The following CTNND2 variants were observed in gnomAD, a reference collection of about 807,000 sequenced individuals.
CTNND2 encodes catenin delta 2.
In CTNND2, 22 loss-of-function variants were observed where a neutral mutation model predicts 144.4. The ratio of observed to expected loss-of-function variants is 0.15; its 90% CI spans 0.11 to 0.22. The LOEUF (loss-of-function observed/expected upper bound fraction) is 0.22. Ranked by LOEUF, CTNND2 falls within the 10% of genes least tolerant of loss-of-function variation. CTNND2 has a pLI of 1.00. For missense variants in CTNND2, 1,353 were observed against 1,618.8 expected (o/e 0.84, Z 2.82); for synonymous variants, 751 against 695.6 (o/e 1.08, Z -1.25).
chr5:10,979,067 A>G (rs564211553), intron 21 of CTNND2, among the ~76,000 whole-genome samples: 75 of 152,278 alleles, frequency 4.9e-4, no homozygotes, highest in African/African-American at 1.6e-3. Context: ...GCTGGTTCCA[A>G]TGAGGAGCTT....
In CTNND2 at chr5:11,103,002, G is replaced by A. The variant is rs1416116160; in HGVS notation, c.2464-4254C>T. Among the ~76,000 whole-genome samples the A allele has an allele frequency of 1.9e-4, 13 of 67,606 alleles. No individual in the cohort carries two copies. The East Asian group carries it at 5.4e-3, about 28-fold the overall frequency. 44.4% of individuals were successfully genotyped at this position (67,606 alleles called of 152,430 possible). A position where few individuals can be genotyped will look rare whatever the true frequency, so the allele number is the denominator to read the frequency against. On this transcript the variant is annotated intron_variant, in intron 14 of 21. Transcript: ENST00000304623. ...TTTTTTTTTTTTTTTTTTTTTTTGA[G>A]ACAGAGTCTCACTCTGTCACCCAGG...
intron 20 of CTNND2, chr5:10,986,500 T>C: frequency 2.6e-6 from 1 of 387,702 alleles, no homozygotes; most frequent in Non-Finnish European, 5.1e-6. Flanking sequence ...CATGACTAGC[T>C]CAGCATAATC....
chr5:11,166,539 G>A (rs1266839094), intron 11 of CTNND2, among the ~76,000 whole-genome samples: 1 of 151,586 alleles, frequency 6.6e-6, no homozygotes, highest in Admixed American at 6.6e-5. Flanking sequence ...CCGCCACCAC[G>A]CCCGGCCAAA....
chr5:11,219,642 G>C (rs1739571986), intron 10 of CTNND2, among the ~76,000 whole-genome samples: 1 of 152,138 alleles, frequency 6.6e-6, no homozygotes, highest in Non-Finnish European at 1.5e-5. Flanking sequence ...GTCCTTATAA[G>C]AAGAAAGCAG....
chr5:11,379,467 A>C (rs961141965), intron 7 of CTNND2, among the ~76,000 whole-genome samples: 6 of 152,176 alleles, frequency 3.9e-5, no homozygotes, highest in Admixed American at 2.6e-4. Context: ...TTCAGTTTTT[A>C]AATCTGTAGA....
chr5:11,451,603 T>G (rs1025820926), intron 3 of CTNND2, among the ~76,000 whole-genome samples: 2 of 152,186 alleles, frequency 1.3e-5, no homozygotes, highest in Non-Finnish European at 2.9e-5. Flanking sequence ...ATCTGAAATC[T>G]GAAACACTTC....
chr5:11,173,506 T>C (rs1560968702), intron 11 of CTNND2, among the ~76,000 whole-genome samples: 1 of 152,214 alleles, frequency 6.6e-6, no homozygotes, highest in South Asian at 2.1e-4. Flanking sequence ...TGATGAGAGC[T>C]GATGTGCAGG....
At chr5:11,013,392 CTT>C (rs571307248) in intron 18 of CTNND2, among the ~76,000 whole-genome samples, 188 of 152,214 alleles carry the variant, frequency 1.2e-3, no homozygotes, top group African/African-American at 4.2e-3. Context: ...ATGCTTTTCT[CTT>C]GTTACTATAA....
At chr5:11,758,397 A>C (rs1453791927) in intron 1 of CTNND2, among the ~76,000 whole-genome samples, 1 of 152,010 alleles carries the variant, frequency 6.6e-6, no homozygotes, top group Non-Finnish European at 1.5e-5. Context: ...AAAATATGCA[A>C]TGCAGTTATT....
intron 11 of CTNND2, among the ~76,000 whole-genome samples, chr5:11,182,399 C>G (rs903933759): frequency 4.6e-5 from 7 of 151,942 alleles, no homozygotes; most frequent in Non-Finnish European, 8.8e-5. Flanking sequence ...ATATATATGT[C>G]TGTGTGTGCA....
At chr5:11,111,462 T>A (rs1163869588) in intron 13 of CTNND2, among the ~76,000 whole-genome samples, 1 of 152,100 alleles carries the variant, frequency 6.6e-6, no homozygotes, top group Non-Finnish European at 1.5e-5. Flanking sequence ...GTGGGGGGCA[T>A]ATTTACTGCC....
chr5:11,119,918 T>C (rs1229565476), intron 12 of CTNND2, among the ~76,000 whole-genome samples: 3 of 152,216 alleles, frequency 2.0e-5, no homozygotes, highest in Non-Finnish European at 4.4e-5. Context: ...TGCCTCCCAA[T>C]TCACCAATAA....
At chr5:11,688,609 C>T (rs1395066842) in intron 2 of CTNND2, among the ~76,000 whole-genome samples, 5 of 152,102 alleles carry the variant, frequency 3.3e-5, no homozygotes, top group Non-Finnish European at 7.4e-5. Context: ...TAACCCTGTG[C>T]TTTTTACATT....
chr5:11,759,001 T>A (rs1046894158), intron 1 of CTNND2, among the ~76,000 whole-genome samples: 33 of 152,000 alleles, frequency 2.2e-4, no homozygotes, highest in Non-Finnish European at 4.0e-4. Context: ...TGCTCAAAAA[T>A]ATTAAACAAA....
chr5:11,363,672 T>C (rs1462475439), intron 8 of CTNND2, among the ~76,000 whole-genome samples: 1 of 152,234 alleles, frequency 6.6e-6, no homozygotes, highest in African/African-American at 2.4e-5. Context: ...TAAATATCAA[T>C]AATCAACTAT....
chr5:11,027,057 CAG>C (rs1487723753), intron 16 of CTNND2: 1 of 152,154 alleles, frequency 6.6e-6, no homozygotes, highest in Non-Finnish European at 1.5e-5. Context: ...AAAATCCCGT[CAG>C]AGAGACAAGC....
At chr5:11,354,259 A>G (rs928071617) in intron 8 of CTNND2, among the ~76,000 whole-genome samples, 1 of 152,230 alleles carries the variant, frequency 6.6e-6, no homozygotes, top group Admixed American at 6.5e-5. Flanking sequence ...TAAGCACTAA[A>G]TGATTTTACA....
intron 3 of CTNND2, among the ~76,000 whole-genome samples, chr5:11,423,888 T>C (rs31889): frequency 6.6e-6 from 1 of 150,914 alleles, no homozygotes; most frequent in Admixed American, 6.6e-5. Flanking sequence ...AAAGAAAAAA[T>C]TTTTTTTTTG....
chr5:10,972,776 CT>C lies in CTNND2; in HGVS notation c.*676del, dbSNP rs70947237. On this transcript the variant is annotated 3_prime_UTR_variant, in exon 22 of 22. Coordinates refer to ENST00000304623, the MANE Select transcript of CTNND2 (RefSeq NM_001332.4). The stretch of plus-strand genomic sequence containing the variant: ...ACTGCTAAATATTCCTTTTTTCCTG[CT>C]TTTTTTTTTTTTTGTTAAAACATAC... 0.036 allele frequency: 4,945 copies of C among 137,976 alleles called. 75 individuals carry two copies. Among genetic ancestry groups the C allele is most frequent in the Non-Finnish European group, 0.037 (2,357 of 63,208 alleles). 8.5% of individuals were successfully genotyped at this position (137,976 alleles called of 1,614,324 possible).
Sources: allele counts gnomAD v4.1 joint callset (sites outside exome capture counted in the v4.1 genomes callset), GRCh38; gene constraint gnomAD v4.1.1; transcripts MANE v1.5; gene names NCBI Gene and HGNC (gene_info 2026-07-23, HGNC 2026-07-21).